Variants in LRRC8B observed in about 807,000 individuals in gnomAD.
LRRC8B encodes leucine rich repeat containing 8 VRAC subunit B.
LRRC8B carries 23 observed loss-of-function variants against 58.8 expected under a neutral mutation model. That is an observed-to-expected ratio of 0.39 (90% CI 0.28 to 0.55). The LOEUF (loss-of-function observed/expected upper bound fraction) is 0.55. Ranked by LOEUF, LRRC8B falls within the 20% of genes least tolerant of loss-of-function variation. The pLI, the probability that LRRC8B is intolerant of heterozygous loss-of-function variation, is 0.62. For synonymous variants in LRRC8B, 359 were observed against 374.1 expected, an observed-to-expected ratio of 0.96 and a Z score of 0.47; for missense variants, 694 against 936.0, an observed-to-expected ratio of 0.74 and a Z score of 3.37.
Position 89,582,988 on chromosome 1 carries a change from A to G in LRRC8B, c.338A>G (p.Gln113Arg). ...ATTGATGCCGTCTGTTACGAGAAACAGCTCCATTGGTTTGCAAAGTTTTTC... is the reference window on the plus strand; with the variant it reads ...ATTGATGCCGTCTGTTACGAGAAACGGCTCCATTGGTTTGCAAAGTTTTTC... ...SYIDAVCYEK[Q>R]LHWFAKFFPY... Residue 113 changes from glutamine to arginine, a missense_variant, in exon 5 of 6, where the codon CAG becomes CGG. This residue lies in a region of LRRC8B where 316 missense variants were observed against 403.8 expected (regional missense o/e 0.78). Coordinates refer to ENST00000330947, the MANE Select transcript of LRRC8B (RefSeq NM_001369817.2). 1 of 1,614,200 alleles carries G rather than the reference A, an allele frequency of 6.2e-7. No individual in the cohort carries two copies.
chr1:89,562,221 C>A (rs1652725119), intron 1 of LRRC8B, among the ~76,000 whole-genome samples: 2 of 151,598 alleles, frequency 1.3e-5, no homozygotes, highest in Admixed American at 1.3e-4. Context: ...ACTTTCTTAT[C>A]TTTTCCTTTT....
intron 1 of LRRC8B, among the ~76,000 whole-genome samples, chr1:89,536,774 C>G (rs772247180): frequency 6.6e-6 from 1 of 152,120 alleles, no homozygotes; most frequent in Non-Finnish European, 1.5e-5. Flanking sequence ...GTATGATGCT[C>G]ACCTGAGTCT....
intron 3 of LRRC8B, among the ~76,000 whole-genome samples, chr1:89,570,046 T>C (rs1477210893): frequency 6.6e-6 from 1 of 152,200 alleles, no homozygotes; most frequent in Admixed American, 6.5e-5. Context: ...TCAAAGGACA[T>C]GATACCATTC....
intron 3 of LRRC8B, among the ~76,000 whole-genome samples, chr1:89,577,074 A>T (rs1037236763): frequency 2.6e-5 from 4 of 152,174 alleles, no homozygotes; most frequent in African/African-American, 9.7e-5. Context: ...TTTTGAAGGG[A>T]TATAAGGTGA....
At chr1:89,547,230 GT>G (rs1318582881) in intron 1 of LRRC8B, among the ~76,000 whole-genome samples, 24 of 13,190 alleles carry the variant, frequency 1.8e-3, no homozygotes, top group Non-Finnish European at 2.6e-3. Context: ...AAGAACCAGG[GT>G]CCTTTTTTTT....
chr1:89,576,158 A>T (rs1376251492), intron 3 of LRRC8B, among the ~76,000 whole-genome samples: 1 of 152,104 alleles, frequency 6.6e-6, no homozygotes, highest in East Asian at 1.9e-4. Flanking sequence ...CCTCTCCCAT[A>T]ATCCATCCTG....
chr1:89,525,472 C>T (rs1195105869), intron 1 of LRRC8B, among the ~76,000 whole-genome samples: 1 of 152,238 alleles, frequency 6.6e-6, no homozygotes, highest in East Asian at 1.9e-4. Flanking sequence ...TGTTTTGCCC[C>T]CTGCGCTGGC....
At position 89,525,871 on chromosome 1, in the gene LRRC8B, C is replaced by CA. The variant is rs1024481271; in HGVS notation, c.-241+856dup. Among the ~76,000 whole-genome samples the CA allele has an allele frequency of 2.6e-5, 4 of 151,648 alleles. No homozygotes were observed. In the South Asian group the frequency reaches 6.3e-4, roughly 24 times the overall value. On this transcript the variant is annotated intron_variant, in intron 1 of 5. Transcript: ENST00000330947. Reference sequence around the variant, plus strand: ...CGCCTAAAGACTTCAAACAAACAAACAAAAAAACACTCCACTGGTAAAAGA... The same window carrying CA: ...CGCCTAAAGACTTCAAACAAACAAACAAAAAAAACACTCCACTGGTAAAAGA...
At chr1:89,526,770 C>T (rs1373373842) in intron 1 of LRRC8B, among the ~76,000 whole-genome samples, 1 of 152,216 alleles carries the variant, frequency 6.6e-6, no homozygotes, top group Non-Finnish European at 1.5e-5. Context: ...TTTAAATCTG[C>T]ATGTCGGAAT....
chr1:89,584,467 G>A lies in LRRC8B; in HGVS notation c.1817G>A (p.Ser606Asn). ...GAACGCATCCCACATTCCATTTTCA[G>A]CCTGAATAATTTGCATGAGTTAGAC... ...DLERIPHSIF[S>N]LNNLHELDLR... The change falls in exon 5 of 6, where the codon AGC becomes AAC. Residue 606 changes from serine to asparagine, a missense_variant. Around this residue, in one of 5 missense-constraint regions of LRRC8B, gnomAD observed 53 missense variants for 112.3 expected, o/e 0.47. Transcript: ENST00000330947. 3 of 1,614,130 alleles carry A rather than the reference G, an allele frequency of 1.9e-6. No individual in the cohort carries two copies. Among genetic ancestry groups the A allele is most frequent in the Non-Finnish European group, 2.5e-6 (3 of 1,180,028 alleles).
rs544029340 is a variant in LRRC8B, at chr1:89,551,134, C to G, written c.-240-17113C>G. On this transcript the variant is annotated intron_variant, in intron 1 of 5. Coordinates refer to ENST00000330947, the MANE Select transcript of LRRC8B (RefSeq NM_001369817.2). Reference sequence around the variant, plus strand: ...CACCCCTCTGCTCTTTCCCTCCCCACTACCCCGCTGGAGATTTTTTTCCTG... The same window carrying G: ...CACCCCTCTGCTCTTTCCCTCCCCAGTACCCCGCTGGAGATTTTTTTCCTG... 2.6e-5 allele frequency among the ~76,000 whole-genome samples: 4 copies of G among 152,254 alleles called. No homozygotes were observed. In the East Asian group the frequency reaches 7.7e-4, roughly 29 times the overall value.
intron 5 of LRRC8B, among the ~76,000 whole-genome samples, chr1:89,589,345 A>G (rs150691410): frequency 6.6e-6 from 1 of 152,344 alleles, no homozygotes; most frequent in East Asian, 1.9e-4. Context: ...AAGTGATTCC[A>G]CATGGGGTAC....
chr1:89,556,661 T>A (rs531853532), intron 1 of LRRC8B, among the ~76,000 whole-genome samples: 2 of 152,282 alleles, frequency 1.3e-5, no homozygotes, highest in African/African-American at 4.8e-5. Flanking sequence ...TCACTCTGCA[T>A]TTACCCTAAA....
chr1:89,558,421 AG>A (rs1652352234), intron 1 of LRRC8B, among the ~76,000 whole-genome samples: 1 of 152,168 alleles, frequency 6.6e-6, no homozygotes. Flanking sequence ...CAACAAGTCA[AG>A]AGGTGACATG....
chr1:89,581,020 A>C (rs923351722), intron 4 of LRRC8B, among the ~76,000 whole-genome samples: 1 of 152,156 alleles, frequency 6.6e-6, no homozygotes, highest in African/African-American at 2.4e-5. Context: ...GGCCAGGCAC[A>C]GTGGCTCAGG....
At chr1:89,552,797 A>G (rs1178821348) in intron 1 of LRRC8B, among the ~76,000 whole-genome samples, 1 of 152,222 alleles carries the variant, frequency 6.6e-6, no homozygotes, top group African/African-American at 2.4e-5. Flanking sequence ...GCTACAGGAA[A>G]AGATATTTGC....
chr1:89,580,951 G>A (rs567824099), intron 4 of LRRC8B, among the ~76,000 whole-genome samples: 16 of 152,150 alleles, frequency 1.1e-4, no homozygotes, highest in Admixed American at 3.9e-4. Flanking sequence ...GGACTCTAAG[G>A]TTCAAGGCAG....
Position 89,584,161 on chromosome 1 carries a change from G to C in LRRC8B, c.1511G>C (p.Arg504Pro). ...TTTACTGAAATGGGAAAAATCCCACGCTGGGTATTTCACCTCAAGAATCTC... is the reference window on the plus strand; with the variant it reads ...TTTACTGAAATGGGAAAAATCCCACCCTGGGTATTTCACCTCAAGAATCTC... Reference protein sequence around the residue: ...LKFTEMGKIPRWVFHLKNLKE... With the variant: ...LKFTEMGKIPPWVFHLKNLKE... Residue 504 changes from arginine to proline, a missense_variant, in exon 5 of 6, where the codon CGC (arginine) becomes CCC (proline). By Grantham distance (103) the Arg-to-Pro change is moderately radical (BLOSUM62 -2). This residue lies in a region of LRRC8B where 162 missense variants were observed against 198.5 expected (regional missense o/e 0.82). Coordinates refer to ENST00000330947, the MANE Select transcript of LRRC8B (RefSeq NM_001369817.2). 1.2e-6 allele frequency: 2 copies of C among 1,612,004 alleles called. No individual in the cohort carries two copies. The highest frequency in any genetic ancestry group is 1.7e-6 in the Non-Finnish European group (2 of 1,180,006).
chr1:89,537,581 T>C (rs191807005), intron 1 of LRRC8B, among the ~76,000 whole-genome samples: 1 of 152,292 alleles, frequency 6.6e-6, no homozygotes, highest in Non-Finnish European at 1.5e-5. Flanking sequence ...CAAGCGATTC[T>C]CCTGCCTCAG....
Sources: gnomAD v4.1 joint callset for allele counts (sites outside exome capture counted in the v4.1 genomes callset) on GRCh38, gnomAD v4.1.1 for gene constraint, gnomAD v4.1.1 regional missense constraint, MANE v1.5 for transcripts, NCBI Gene and HGNC (gene_info 2026-07-23, HGNC 2026-07-21) for gene names.